The following SNTG2 variants were observed in gnomAD, a reference collection of about 807,000 sequenced individuals.
The protein encoded by SNTG2 is syntrophin gamma 2, also known as gamma-2-syntrophin.
In SNTG2, 74 loss-of-function variants were observed where a neutral mutation model predicts 70.9. The observed-to-expected ratio is 1.04, with a 90% confidence interval of 0.86 to 1.27. The LOEUF is 1.27. SNTG2 is among the 50% of genes most tolerant of loss of function. The pLI is 0.00. For synonymous variants in SNTG2, 278 were observed against 273.8 expected (o/e 1.02, Z -0.15); for missense variants, 717 against 690.7 (o/e 1.04, Z -0.43).
chr2:1,054,132 A>G (rs1662240946), intron 1 of SNTG2, among the ~76,000 whole-genome samples: 1 of 152,112 alleles, frequency 6.6e-6, no homozygotes, highest in African/African-American at 2.4e-5. Context: ...GACCCGTGTC[A>G]TTGCCACCCT....
At chr2:1,296,455 G>A (rs932622109) in intron 14 of SNTG2, among the ~76,000 whole-genome samples, 3 of 152,222 alleles carry the variant, frequency 2.0e-5, no homozygotes, top group Admixed American at 6.5e-5. Context: ...TGAGCACGCC[G>A]CTACCTGCCC....
intron 15 of SNTG2, among the ~76,000 whole-genome samples, chr2:1,311,429 A>G (rs1219544470): frequency 6.6e-6 from 1 of 152,222 alleles, no homozygotes; most frequent in Non-Finnish European, 1.5e-5. Flanking sequence ...AATTTGCAAT[A>G]TTTGAATTAA....
intron 12 of SNTG2, among the ~76,000 whole-genome samples, chr2:1,250,375 C>A (rs945221448): frequency 6.6e-6 from 1 of 152,182 alleles, no homozygotes. Flanking sequence ...CTCTCCCTGT[C>A]TCTCTGTCTC....
intron 8 of SNTG2, among the ~76,000 whole-genome samples, chr2:1,181,305 G>C (rs1168663774): frequency 6.6e-6 from 1 of 152,136 alleles, no homozygotes; most frequent in African/African-American, 2.4e-5. Context: ...TACTAGCATT[G>C]ATAGTGTCTA....
At chr2:1,267,625 A>G in intron 14 of SNTG2, 54 bp downstream of exon 14, 3 of 1,489,414 alleles carry the variant, frequency 2.0e-6, no homozygotes, top group Non-Finnish European at 2.8e-6. Flanking sequence ...TGTCTGAGAC[A>G]TAGCATTGGG....
At chr2:951,678 C>T (rs1659970134) in intron 1 of SNTG2, among the ~76,000 whole-genome samples, 1 of 152,176 alleles carries the variant, frequency 6.6e-6, no homozygotes, top group African/African-American at 2.4e-5. Context: ...AATAACTAAA[C>T]TATTGATTGA....
chr2:1,019,019 A>T (rs185276261), intron 1 of SNTG2, among the ~76,000 whole-genome samples: 52 of 152,328 alleles, frequency 3.4e-4, no homozygotes, highest in African/African-American at 1.2e-3. Context: ...TACAGTGCTG[A>T]CAGCGCTGCA....
intron 9 of SNTG2, among the ~76,000 whole-genome samples, chr2:1,234,087 C>T (rs1676446605): frequency 6.6e-6 from 1 of 152,146 alleles, no homozygotes; most frequent in Non-Finnish European, 1.5e-5. Context: ...TGAGCGGCCA[C>T]CATGAGGCGG....
rs536649928 is a variant in SNTG2 at position 1,235,623 on chromosome 2, CGAGGCACCCCCGATTCATGAGAG to C, written c.720-2255_720-2233del. Among the ~76,000 whole-genome samples, 723 of 149,810 alleles carry C rather than the reference CGAGGCACCCCCGATTCATGAGAG, an allele frequency of 4.8e-3. 2 individuals carry two copies. Among genetic ancestry groups the C allele is most frequent in the Non-Finnish European group, 8.0e-3 (537 of 67,120 alleles). On this transcript the variant is annotated intron_variant, in intron 9 of 16. Coordinates refer to ENST00000308624, the MANE Select transcript of SNTG2 (RefSeq NM_018968.4). Reference sequence around the variant, plus strand: ...TGCCCTGAGGTCCCTGCAGGCCCCACGAGGCACCCCCGATTCATGAGAGGAGGCACCCTTACCCCCACGCTGCC... The same window carrying C: ...TGCCCTGAGGTCCCTGCAGGCCCCACGAGGCACCCTTACCCCCACGCTGCC...
chr2:1,062,362 G>T (rs1662879111), intron 1 of SNTG2, among the ~76,000 whole-genome samples: 1 of 152,190 alleles, frequency 6.6e-6, no homozygotes, highest in Admixed American at 6.5e-5. Flanking sequence ...GGCAACCTTG[G>T]GTGGATGGGA....
intron 16 of SNTG2, among the ~76,000 whole-genome samples, chr2:1,322,097 C>T (rs1250985160): frequency 6.6e-6 from 1 of 152,166 alleles, no homozygotes; most frequent in Non-Finnish European, 1.5e-5. Flanking sequence ...TTTTAAGTCT[C>T]TCAATAGCTG....
chr2:1,267,619 T>G, intron 14 of SNTG2, 48 bp downstream of exon 14: 7 of 1,502,822 alleles, frequency 4.7e-6, no homozygotes, highest in Non-Finnish European at 6.5e-6. Flanking sequence ...CTCGGGTGTC[T>G]GAGACATAGC....
chr2:1,353,747 A>G lies in SNTG2; in HGVS notation c.1489-13596A>G, dbSNP rs1169425340. The G allele has an allele frequency of 6.6e-6, 1 of 152,252 alleles. No homozygotes were observed. The highest frequency in any genetic ancestry group is 1.5e-5 in the Non-Finnish European group (1 of 68,046). The allele number at this position is 152,252 out of a possible 1,614,324, so 9.4% of individuals were successfully genotyped here. A position where few individuals can be genotyped will look rare whatever the true frequency, so the allele number is the denominator to read the frequency against. On this transcript the variant is annotated intron_variant, in intron 16 of 16. Coordinates refer to ENST00000308624, the MANE Select transcript of SNTG2 (RefSeq NM_018968.4). This position sits in a 1 kb window ranked among gnomAD's most constrained non-coding sequence, Gnocchi z 4.2. ...AGGATGGCTGCTCATCGGAGGGGCC[A>G]GTCATCTCACAGACACTTTGTGACA... is the stretch of plus-strand genomic sequence containing the variant.
intron 1 of SNTG2, among the ~76,000 whole-genome samples, chr2:1,032,673 A>G (rs1462640731): frequency 6.6e-6 from 1 of 152,100 alleles, no homozygotes; most frequent in African/African-American, 2.4e-5. Flanking sequence ...ACCATTAAGT[A>G]TATTATCTGT....
At chr2:1,221,853 G>GTCTC (rs1558551590) in intron 9 of SNTG2, among the ~76,000 whole-genome samples, 1 of 4,838 alleles carries the variant, frequency 2.1e-4, no homozygotes, top group Non-Finnish European at 3.4e-4. Flanking sequence ...CTCTGTCTCT[G>GTCTC]TCTCTGTCTC....
At chr2:1,129,914 TTTGAAG>T (rs1667917721) in intron 4 of SNTG2, among the ~76,000 whole-genome samples, 1 of 152,214 alleles carries the variant, frequency 6.6e-6, no homozygotes, top group African/African-American at 2.4e-5. Flanking sequence ...ATATAAAATA[TTTGAAG>T]GTGGTGTTCA....
Position 1,173,161 on chromosome 2 carries a change from T to G in SNTG2, c.569T>G (p.Leu190Arg). ...CCCCTCTTTGACAGCGGTTTGCATCTGAACGGAAACTCCAGTACCACAGTA... is the reference window on the plus strand; with the variant it reads ...CCCCTCTTTGACAGCGGTTTGCATCGGAACGGAAACTCCAGTACCACAGTA... Reference protein sequence around the residue: ...SSPLFDSGLHLNGNSSTTAPS... With the variant: ...SSPLFDSGLHRNGNSSTTAPS... The change falls in exon 8 of 17, where the codon CTG becomes CGG. Residue 190 changes from leucine (L) to arginine (R), a missense_variant. Coordinates refer to ENST00000308624, the MANE Select transcript of SNTG2 (RefSeq NM_018968.4). The G allele has an allele frequency of 1.2e-6, 2 of 1,614,036 alleles. No homozygotes were observed. The highest frequency in any genetic ancestry group is 1.7e-6 in the Non-Finnish European group (2 of 1,179,902).
At position 1,096,004 on chromosome 2, in the gene SNTG2, G is replaced by A. The variant is rs375267674; in HGVS notation, c.211-2192G>A. ...CACTACAGAATTTAGCGTCTGCTGA[G>A]GGAGGGAATGAACCCCCCCTTGGTT... On this transcript the variant is annotated intron_variant, in intron 2 of 16. Coordinates refer to ENST00000308624, the MANE Select transcript of SNTG2 (RefSeq NM_018968.4). 2.0e-5 allele frequency among the ~76,000 whole-genome samples: 3 copies of A among 152,298 alleles called. No homozygotes were observed. In the East Asian group the frequency reaches 5.8e-4, roughly 29 times the overall value.
chr2:1,339,391 C>A (rs1010114038), intron 16 of SNTG2, among the ~76,000 whole-genome samples: 3 of 152,078 alleles, frequency 2.0e-5, no homozygotes, highest in Non-Finnish European at 2.9e-5. Flanking sequence ...TTATCTTTTT[C>A]TTTTGTTGTT....
Sources: gnomAD v4.1 joint callset for allele counts (sites outside exome capture counted in the v4.1 genomes callset) on GRCh38, gnomAD v4.1.1 for gene constraint, Gnocchi (gnomAD v3.1) non-coding constraint, MANE v1.5 for transcripts, NCBI Gene and HGNC (gene_info 2026-07-23, HGNC 2026-07-21) for gene names.